TMC1: variants seen among roughly 807,000 people sequenced by gnomAD.
TMC1 encodes the protein transmembrane channel like 1, also known as transmembrane channel-like protein 1.
In TMC1, 84 loss-of-function variants were observed where a neutral mutation model predicts 105.8. That is an observed-to-expected ratio of 0.79 (90% CI 0.67 to 0.95). The LOEUF (loss-of-function observed/expected upper bound fraction) is 0.95, where lower values mean the gene tolerates loss of function less well. Among genes scored for constraint, TMC1 ranks in the 40% least tolerant of loss-of-function variants. TMC1 has a pLI of 0.00. For synonymous variants in TMC1, 315 were observed against 311.5 expected, an observed-to-expected ratio of 1.01 and a Z score of -0.12; for missense variants, 817 against 914.1, an observed-to-expected ratio of 0.89 and a Z score of 1.37.
At chr9:72,762,822 T>C (rs1827777029) in intron 12 of TMC1, among the ~76,000 whole-genome samples, 1 of 152,228 alleles carries the variant, frequency 6.6e-6, no homozygotes, top group Admixed American at 6.5e-5. Flanking sequence ...GTCCCTTATT[T>C]ACTTCACTTC....
chr9:72,765,110 G>A (rs989975957), intron 12 of TMC1, among the ~76,000 whole-genome samples: 1 of 152,124 alleles, frequency 6.6e-6, no homozygotes, highest in African/African-American at 2.4e-5. Context: ...CGAATTGGAG[G>A]AACAATCCGG....
At chr9:72,822,371 A>G (rs1828888679) in intron 20 of TMC1, among the ~76,000 whole-genome samples, 1 of 152,244 alleles carries the variant, frequency 6.6e-6, no homozygotes, top group Non-Finnish European at 1.5e-5. Flanking sequence ...GACTAAGTAT[A>G]TAAGAGACAT....
intron 4 of TMC1, among the ~76,000 whole-genome samples, chr9:72,641,119 G>A (rs370577981): frequency 6.6e-6 from 1 of 151,822 alleles, no homozygotes. Flanking sequence ...TTTAAGACAG[G>A]GCCTCACTCT....
chr9:72,692,994 C>T (rs1452538462), intron 6 of TMC1, among the ~76,000 whole-genome samples: 1 of 152,000 alleles, frequency 6.6e-6, no homozygotes, highest in Non-Finnish European at 1.5e-5. Context: ...ATGGCGCACA[C>T]CTGTATTCTC....
intron 10 of TMC1, among the ~76,000 whole-genome samples, chr9:72,745,686 C>T (rs568298735): frequency 6.6e-6 from 1 of 152,168 alleles, no homozygotes; most frequent in African/African-American, 2.4e-5. Flanking sequence ...ATAAAAAGTA[C>T]CCTACTAAAT....
At chr9:72,732,527 T>C (rs969300035) in intron 8 of TMC1, among the ~76,000 whole-genome samples, 2 of 147,980 alleles carry the variant, frequency 1.4e-5, no homozygotes, top group African/African-American at 5.0e-5. Context: ...ATTGCACCAC[T>C]GCACTCCAGC....
In TMC1 at chr9:72,836,928, T is replaced by C. The variant is rs1243551930; in HGVS notation, c.*955T>C. On this transcript the variant is annotated 3_prime_UTR_variant, in exon 24 of 24. Transcript: ENST00000297784. The stretch of plus-strand genomic sequence containing the variant: ...CAGGAGTGTAGGTTTATTAAAAAGT[T>C]TTACAGCAGGAACAAAAGGAAATAA... 6.6e-6 allele frequency: 1 copy of C among 152,052 alleles called. No individual in the cohort carries two copies. Among genetic ancestry groups the C allele is most frequent in the Non-Finnish European group, 1.5e-5 (1 of 68,006 alleles). The allele number at this position is 152,052 out of a possible 1,614,324, so 9.4% of individuals were successfully genotyped here. A position where few individuals can be genotyped will look rare whatever the true frequency, so the allele number is the denominator to read the frequency against.
At chr9:72,823,268 C>T (rs2118306972) in intron 20 of TMC1, among the ~76,000 whole-genome samples, 1 of 152,060 alleles carries the variant, frequency 6.6e-6, no homozygotes, top group East Asian at 1.9e-4. Flanking sequence ...AAAGGATTGT[C>T]CTGCTCTAGA....
chr9:72,590,967 C>T (rs868728021), intron 2 of TMC1, among the ~76,000 whole-genome samples: 5 of 152,060 alleles, frequency 3.3e-5, no homozygotes, highest in African/African-American at 4.8e-5. Context: ...AACTGAGATC[C>T]GCGGAATAAG....
intron 2 of TMC1, among the ~76,000 whole-genome samples, chr9:72,584,757 A>G (rs978448742): frequency 1.1e-4 from 16 of 149,002 alleles, no homozygotes; most frequent in Admixed American, 6.0e-4. Flanking sequence ...CAACGTAAAA[A>G]TGTAGTTCTC....
At chr9:72,821,467 A>G (rs1588101325) in intron 20 of TMC1, among the ~76,000 whole-genome samples, 1 of 150,252 alleles carries the variant, frequency 6.7e-6, no homozygotes, top group Middle Eastern at 3.5e-3. Flanking sequence ...GTGCCATTGC[A>G]CTCCAGCCTG....
chr9:72,752,015 T>A (rs1827588246), intron 11 of TMC1, 59 bp downstream of exon 11: 1 of 1,077,826 alleles, frequency 9.3e-7, no homozygotes, highest in African/African-American at 1.6e-5. Flanking sequence ...TAGAAAAGTA[T>A]TTATCTCTTC....
At chr9:72,702,282 G>A (rs1355658377) in intron 8 of TMC1, among the ~76,000 whole-genome samples, 2 of 152,142 alleles carry the variant, frequency 1.3e-5, no homozygotes, top group Non-Finnish European at 2.9e-5. Context: ...GCATGGAGGT[G>A]TAGAAATACC....
chr9:72,648,739 A>G (rs1825755325), intron 5 of TMC1, 75 bp downstream of exon 5: 1 of 1,398,644 alleles, frequency 7.1e-7, no homozygotes. Flanking sequence ...AAAACTTTGG[A>G]AAGTTTGTTT....
intron 13 of TMC1, among the ~76,000 whole-genome samples, chr9:72,783,856 GACTCTTT>G (rs1564551075): frequency 6.6e-6 from 1 of 152,140 alleles, no homozygotes; most frequent in Non-Finnish European, 1.5e-5. Context: ...ATCAAAGCTG[GACTCTTT>G]CCTTTCACCA....
At chr9:72,776,862 A>ATGTT (rs1828014220) in intron 13 of TMC1, among the ~76,000 whole-genome samples, 1 of 151,854 alleles carries the variant, frequency 6.6e-6, no homozygotes, top group South Asian at 2.1e-4. Context: ...TGATGATAAC[A>ATGTT]ATCATCAATA....
At chr9:72,713,977 T>C (rs1826878948) in intron 8 of TMC1, among the ~76,000 whole-genome samples, 1 of 152,240 alleles carries the variant, frequency 6.6e-6, no homozygotes, top group Non-Finnish European at 1.5e-5. Context: ...TTCTTTGTTC[T>C]CATTGGCTTC....
intron 10 of TMC1, among the ~76,000 whole-genome samples, chr9:72,743,861 A>G (rs1295878225): frequency 1.3e-5 from 2 of 152,232 alleles, no homozygotes; most frequent in Non-Finnish European, 2.9e-5. Flanking sequence ...TAATCTAAAA[A>G]AAGGGATAAC....
chr9:72,827,516 A>T (rs57406206), intron 21 of TMC1, among the ~76,000 whole-genome samples: 6,473 of 152,276 alleles, frequency 0.043, 407 homozygotes, highest in African/African-American at 0.14. Context: ...GTTCACGATA[A>T]TAGAATCAGA....
Sources: allele counts gnomAD v4.1 joint callset (sites outside exome capture counted in the v4.1 genomes callset), GRCh38; gene constraint gnomAD v4.1.1; transcripts MANE v1.5; gene names NCBI Gene and HGNC (gene_info 2026-07-23, HGNC 2026-07-21).